Variants in RP1 observed in about 807,000 individuals in gnomAD.
RP1 encodes the protein oxygen-regulated protein 1.
RP1 carries 16 observed loss-of-function variants against 14.8 expected under a neutral mutation model. The observed-to-expected ratio is 1.08, with a 90% CI of 0.73 to 1.65. RP1 has a LOEUF of 1.65. Among genes scored for constraint, RP1 ranks in the 40% most tolerant of loss-of-function variants. The pLI is 0.00. For synonymous variants in RP1, 876 were observed against 883.6 expected, an observed-to-expected ratio of 0.99 and a Z score of 0.15; for missense variants, 2,631 against 2,535.0, an observed-to-expected ratio of 1.04 and a Z score of -0.81.
chr8:54,612,565 C>T (rs750180562), upstream of RP1, among the ~76,000 whole-genome samples: 2 of 152,208 alleles, frequency 1.3e-5, no homozygotes, highest in Non-Finnish European at 2.9e-5. Flanking sequence ...GCACTGCCTA[C>T]TCTGCCATCT....
chr8:54,857,222 A>G, intron 27 of RP1: 1 of 255,610 alleles, frequency 3.9e-6, no homozygotes, highest in Non-Finnish European at 7.1e-6. Flanking sequence ...ATAAGAAAAT[A>G]ATCTTATTTT....
chr8:54,628,239 A>G lies in RP1; in HGVS notation c.4357A>G (p.Asn1453Asp). Residue 1453 changes from asparagine (N) to aspartate (D), a missense_variant, in exon 4 of 4, where the codon AAC becomes GAC. Transcript: ENST00000220676. ...RTSEEPGSIT[N>D]SMTSSERNIS... ...TTCTGAAGAACCAGGCTCAATAACC[A>G]ACAGCATGACATCAAGTGAAAGAAA... is the stretch of plus-strand genomic sequence containing the variant. The G allele has an allele frequency of 6.2e-7, 1 of 1,614,022 alleles. No individual in the cohort carries two copies. The highest frequency in any genetic ancestry group is 8.5e-7 in the Non-Finnish European group (1 of 1,179,938).
intron 1 of RP1, among the ~76,000 whole-genome samples, chr8:54,597,235 C>G (rs1805169519): frequency 6.6e-6 from 1 of 152,146 alleles, no homozygotes; most frequent in South Asian, 2.1e-4. Context: ...TTAATTACTA[C>G]TCCCTCCTCA....
At chr8:54,652,816 C>T (rs539936792) in exon 5 of RP1, 33 of 1,535,806 alleles carry the variant, frequency 2.1e-5, no homozygotes, top group African/African-American at 1.2e-4. Context: ...CTTTAAGATT[C>T]GTATTGGTCA....
chr8:54,699,969 C>G (rs1807974005), intron 13 of RP1, among the ~76,000 whole-genome samples: 1 of 152,048 alleles, frequency 6.6e-6, no homozygotes, highest in South Asian at 2.1e-4. Flanking sequence ...TAAAATAATA[C>G]ATTGTACGAT....
At chr8:54,840,119 T>C (rs1811756627) in intron 25 of RP1, among the ~76,000 whole-genome samples, 1 of 152,170 alleles carries the variant, frequency 6.6e-6, no homozygotes, top group Non-Finnish European at 1.5e-5. Flanking sequence ...TGCTAACATG[T>C]CAATAATTCA....
At chr8:54,605,876 G>A (rs1805426836) in intron 1 of RP1, among the ~76,000 whole-genome samples, 1 of 151,556 alleles carries the variant, frequency 6.6e-6, no homozygotes, top group Non-Finnish European at 1.5e-5. Context: ...GCCTTTTTTG[G>A]TTTTCCATTT....
intron 23 of RP1, among the ~76,000 whole-genome samples, chr8:54,780,453 A>G (rs939371081): frequency 6.6e-6 from 1 of 152,242 alleles, no homozygotes; most frequent in African/African-American, 2.4e-5. Flanking sequence ...ATGTGGACGC[A>G]ATACCTGTAA....
At chr8:54,796,181 A>G (rs1382071971) in intron 24 of RP1, among the ~76,000 whole-genome samples, 1 of 152,222 alleles carries the variant, frequency 6.6e-6, no homozygotes, top group African/African-American at 2.4e-5. Flanking sequence ...GTTTGTGGGC[A>G]GTTATTTACC....
At chr8:54,747,184 C>T (rs1809246780) in intron 19 of RP1, among the ~76,000 whole-genome samples, 1 of 152,130 alleles carries the variant, frequency 6.6e-6, no homozygotes, top group East Asian at 1.9e-4. Context: ...TCACCCCCCT[C>T]AGTATCCAGA....
intron 12 of RP1, among the ~76,000 whole-genome samples, chr8:54,697,535 A>G (rs1585615891): frequency 6.6e-6 from 1 of 152,316 alleles, no homozygotes; most frequent in Non-Finnish European, 1.5e-5. Flanking sequence ...AGCCTGGGCA[A>G]CAAAAGCGAA....
chr8:54,642,066 G>A (rs1441719088), intron 3 of RP1, among the ~76,000 whole-genome samples: 2 of 152,098 alleles, frequency 1.3e-5, no homozygotes, highest in Non-Finnish European at 2.9e-5. Context: ...AGTCTTTTCT[G>A]TTTGGCATCA....
chr8:54,609,041 C>A (rs1336942547), intron 1 of RP1, among the ~76,000 whole-genome samples: 1 of 152,128 alleles, frequency 6.6e-6, no homozygotes, highest in East Asian at 1.9e-4. Context: ...TTCAGGAGGG[C>A]TAGGTACAGG....
chr8:54,736,650 T>A (rs1025025391), intron 18 of RP1, among the ~76,000 whole-genome samples: 4 of 152,094 alleles, frequency 2.6e-5, no homozygotes, highest in Admixed American at 2.6e-4. Context: ...CTGTGAAGTG[T>A]GAATAGCTTT....
intron 12 of RP1, among the ~76,000 whole-genome samples, chr8:54,695,489 T>G (rs1807837472): frequency 6.6e-6 from 1 of 152,032 alleles, no homozygotes; most frequent in South Asian, 2.1e-4. Flanking sequence ...CTGAAAAAAA[T>G]AAGATAATAC....
At chr8:54,837,742 G>A in intron 25 of RP1, 3 of 873,454 alleles carry the variant, frequency 3.4e-6, no homozygotes, top group Middle Eastern at 4.0e-4. Context: ...ATAGGGGCTG[G>A]CACCTTTTTC....
At position 54,741,715 on chromosome 8, in the gene RP1, A is replaced by G. The variant is rs1194639905; in HGVS notation, c.2808+2686A>G. ...TAAATACAAATGTGTGTGTATATATATATATATATATATATATATATATAT... is the reference window on the plus strand; with the variant it reads ...TAAATACAAATGTGTGTGTATATATGTATATATATATATATATATATATAT... On this transcript the variant is annotated intron_variant, in intron 19 of 22. Coordinates refer to the RP1 transcript ENST00000636932. 8.3e-3 allele frequency among the ~76,000 whole-genome samples: 962 copies of G among 116,182 alleles called. 25 individuals carry two copies. Among genetic ancestry groups the G allele is most frequent in the African/African-American group, 0.03 (872 of 29,294 alleles). 76.2% of individuals were successfully genotyped at this position (116,182 alleles called of 152,430 possible).
chr8:54,663,804 G>A (rs780510815), exon 7 of RP1: 3 of 1,534,654 alleles, frequency 2.0e-6, no homozygotes. Context: ...ACAGGATCCA[G>A]ACAACTATTT....
At chr8:54,824,537 GA>G (rs1412112488) in intron 24 of RP1, among the ~76,000 whole-genome samples, 1 of 149,340 alleles carries the variant, frequency 6.7e-6, no homozygotes, top group Admixed American at 6.7e-5. Context: ...TCAGAAGTGG[GA>G]ATACTGTCTA....
Sources: gnomAD v4.1 joint callset for allele counts (sites outside exome capture counted in the v4.1 genomes callset) on GRCh38, gnomAD v4.1.1 for gene constraint, MANE v1.5 for transcripts, NCBI Gene and HGNC (gene_info 2026-07-23, HGNC 2026-07-21) for gene names.